Variants in MACROD2 observed in about 807,000 individuals in gnomAD.
MACROD2 encodes the protein mono-ADP ribosylhydrolase 2.
In MACROD2, 36 loss-of-function variants were observed where a neutral mutation model predicts 70.4. The ratio of observed to expected loss-of-function variants is 0.51; its 90% CI spans 0.39 to 0.68. MACROD2 has a LOEUF of 0.68. MACROD2 is among the 30% of genes least tolerant of loss of function. MACROD2 has a pLI of 0.00. For synonymous variants in MACROD2, 172 were observed against 178.8 expected, an observed-to-expected ratio of 0.96 and a Z score of 0.30; for missense variants, 496 against 538.4, an observed-to-expected ratio of 0.92 and a Z score of 0.78.
intron 5 of MACROD2, among the ~76,000 whole-genome samples, chr20:15,017,779 C>T (rs2122953066): frequency 6.6e-6 from 1 of 152,318 alleles, no homozygotes; most frequent in Non-Finnish European, 1.5e-5. Context: ...TTGGGGCTTC[C>T]ACCCTCTGAA....
chr20:14,708,054 A>G (rs1367618502), intron 5 of MACROD2, among the ~76,000 whole-genome samples: 1 of 152,180 alleles, frequency 6.6e-6, no homozygotes, highest in Non-Finnish European at 1.5e-5. Flanking sequence ...CAGTTCTCTC[A>G]TCTGTAAAAG....
rs1285678495 is a variant in MACROD2 at position 14,862,282 on chromosome 20, T to C, written c.418+177323T>C. On this transcript the variant is annotated intron_variant, in intron 5 of 17. Transcript: ENST00000684519. ...ATAAATATATTACTATGTATATTTATATATATTTATATAAATATATATAAA... is the reference window on the plus strand; with the variant it reads ...ATAAATATATTACTATGTATATTTACATATATTTATATAAATATATATAAA... 3.9e-4 allele frequency among the ~76,000 whole-genome samples: 14 copies of C among 35,712 alleles called. No homozygotes were observed. In the East Asian group the frequency reaches 5.5e-3, roughly 14 times the overall value. The allele number at this position is 35,712 out of a possible 152,430, so 23.4% of individuals were successfully genotyped here. A position where few individuals can be genotyped will look rare whatever the true frequency, so the allele number is the denominator to read the frequency against.
At chr20:14,555,843 AT>A (rs1978995917) in intron 4 of MACROD2, among the ~76,000 whole-genome samples, 1 of 151,974 alleles carries the variant, frequency 6.6e-6, no homozygotes. Flanking sequence ...TGGGATGAGT[AT>A]GTGGTGAGGT....
intron 4 of MACROD2, among the ~76,000 whole-genome samples, chr20:14,539,722 A>G (rs905329236): frequency 2.0e-5 from 3 of 152,258 alleles, no homozygotes; most frequent in African/African-American, 7.2e-5. Context: ...AGCACTGATA[A>G]CTCAAAGATA....
At chr20:14,293,196 T>C (rs1365573738) in intron 3 of MACROD2, among the ~76,000 whole-genome samples, 3 of 151,720 alleles carry the variant, frequency 2.0e-5, no homozygotes, top group African/African-American at 7.3e-5. Context: ...ACCTACTAGA[T>C]ACCATATGCT....
At chr20:15,079,247 A>C (rs932807745) in intron 5 of MACROD2, among the ~76,000 whole-genome samples, 11 of 151,364 alleles carry the variant, frequency 7.3e-5, no homozygotes, top group Non-Finnish European at 1.5e-4. Flanking sequence ...GAATTTTAGC[A>C]TTTTTTCCCC....
chr20:14,698,078 A>G (rs973323606), intron 5 of MACROD2, among the ~76,000 whole-genome samples: 3 of 152,134 alleles, frequency 2.0e-5, no homozygotes, highest in African/African-American at 7.2e-5. Flanking sequence ...CCTCACCCTC[A>G]TGGAACTGTG....
At chr20:15,497,007 G>T (rs1279916481) in intron 7 of MACROD2, among the ~76,000 whole-genome samples, 1 of 152,170 alleles carries the variant, frequency 6.6e-6, no homozygotes, top group Non-Finnish European at 1.5e-5. Flanking sequence ...GGAAGGGGCG[G>T]TGGAAAATAG....
rs370480122 is a variant in MACROD2 at position 15,016,249 on chromosome 20, A to G, written c.419-213691A>G. ...CATGAAAAGAAATGATGAAAATACA[A>G]TCACATGTTATGGGTGGAGGACAGC... On this transcript the variant is annotated intron_variant, in intron 5 of 17. Transcript: ENST00000684519. Among the ~76,000 whole-genome samples the G allele has an allele frequency of 7.2e-5, 11 of 152,294 alleles. No homozygotes were observed. In the East Asian group the frequency reaches 1.9e-3, roughly 27 times the overall value.
chr20:15,298,209 G>A (rs1016164059), intron 6 of MACROD2, among the ~76,000 whole-genome samples: 1 of 152,212 alleles, frequency 6.6e-6, no homozygotes, highest in African/African-American at 2.4e-5. Context: ...TCTGTAAAAT[G>A]AGCCTACTGA....
At chr20:15,759,421 G>T (rs1419680442) in intron 8 of MACROD2, among the ~76,000 whole-genome samples, 2 of 152,240 alleles carry the variant, frequency 1.3e-5, no homozygotes, top group East Asian at 3.9e-4. Context: ...AATGACGTTG[G>T]ACACCAAAAA....
At chr20:14,405,014 T>C (rs945528468) in intron 3 of MACROD2, among the ~76,000 whole-genome samples, 1 of 152,122 alleles carries the variant, frequency 6.6e-6, no homozygotes, top group Non-Finnish European at 1.5e-5. Context: ...AAGATAGCTA[T>C]GATTGTGTCA....
chr20:14,066,044 A>G (rs1488151381), intron 2 of MACROD2, among the ~76,000 whole-genome samples: 1 of 150,950 alleles, frequency 6.6e-6, no homozygotes, highest in Non-Finnish European at 1.5e-5. Flanking sequence ...TGTGGATTAC[A>G]TTTTTTTTTC....
chr20:14,878,656 C>G lies in MACROD2; in HGVS notation c.418+193697C>G, dbSNP rs1224982478. Among the ~76,000 whole-genome samples the G allele has an allele frequency of 2.0e-5, 3 of 152,140 alleles. No homozygotes were observed. The East Asian group carries it at 5.8e-4, about 29-fold the overall frequency. On this transcript the variant is annotated intron_variant, in intron 5 of 17. Coordinates refer to ENST00000684519, the MANE Select transcript of MACROD2 (RefSeq NM_001351661.2). The stretch of plus-strand genomic sequence containing the variant: ...AATAGTCAAAAGAACATTTTCAATT[C>G]TACCTAATAATTTATTGGATGAATT...
intron 3 of MACROD2, among the ~76,000 whole-genome samples, chr20:14,459,363 A>G (rs947105848): frequency 6.6e-6 from 1 of 152,054 alleles, no homozygotes; most frequent in Admixed American, 6.6e-5. Context: ...CTTATGAGAC[A>G]TATACATGGG....
At chr20:15,398,106 A>G (rs888428865) in intron 6 of MACROD2, among the ~76,000 whole-genome samples, 3 of 152,178 alleles carry the variant, frequency 2.0e-5, no homozygotes, top group African/African-American at 7.2e-5. Context: ...TAGTAGTAAA[A>G]ATCAGGTGAC....
intron 9 of MACROD2, among the ~76,000 whole-genome samples, chr20:15,869,167 C>T (rs183170338): frequency 1.8e-4 from 25 of 140,822 alleles, no homozygotes; most frequent in Admixed American, 7.4e-4. Context: ...ATTTATATAA[C>T]GTATACACAA....
intron 15 of MACROD2, among the ~76,000 whole-genome samples, chr20:16,004,719 C>T (rs1292509115): frequency 6.6e-6 from 1 of 152,264 alleles, no homozygotes; most frequent in Non-Finnish European, 1.5e-5. Context: ...CCAGCTCTCC[C>T]TTACAGTGTT....
At chr20:15,921,682 A>G (rs182703047) in intron 10 of MACROD2, among the ~76,000 whole-genome samples, 168 of 152,330 alleles carry the variant, frequency 1.1e-3, no homozygotes, top group Admixed American at 2.2e-3. Flanking sequence ...TGAGGATACT[A>G]TATTTGCGTA....
Sources: gnomAD v4.1 joint callset for allele counts (sites outside exome capture counted in the v4.1 genomes callset) on GRCh38, gnomAD v4.1.1 for gene constraint, MANE v1.5 for transcripts, NCBI Gene and HGNC (gene_info 2026-07-23, HGNC 2026-07-21) for gene names.